PPP6R2: variants seen among roughly 807,000 people sequenced by gnomAD.
The protein encoded by PPP6R2 is serine/threonine-protein phosphatase 6 regulatory subunit 2.
Under a neutral mutation model 100.2 loss-of-function variants are expected in PPP6R2, and 62 were observed. That is an observed-to-expected ratio of 0.62 (90% CI 0.50 to 0.76). PPP6R2 has a LOEUF of 0.76. PPP6R2 is among the 30% of genes least tolerant of loss of function. PPP6R2 has a pLI of 0.00. For missense variants in PPP6R2, 1,142 were observed against 1,276.3 expected (o/e 0.89, Z 1.60); for synonymous variants, 525 against 514.7 (o/e 1.02, Z -0.27).
intron 1 of PPP6R2, among the ~76,000 whole-genome samples, chr22:50,349,195 CAAAAAA>C (rs892504600): frequency 4.9e-5 from 3 of 61,678 alleles, no homozygotes; most frequent in Admixed American, 1.9e-4. Context: ...GACTTCCTCT[CAAAAAA>C]AAAAAAAAAA....
intron 1 of PPP6R2, among the ~76,000 whole-genome samples, chr22:50,349,021 A>G (rs1326941345): frequency 1.3e-5 from 2 of 151,070 alleles, no homozygotes; most frequent in African/African-American, 4.9e-5. Context: ...GTGAAACTCC[A>G]TCTCTACTGA....
At chr22:50,426,149 C>T (rs764349190) in intron 10 of PPP6R2, among the ~76,000 whole-genome samples, 16 of 152,018 alleles carry the variant, frequency 1.1e-4, no homozygotes, top group Non-Finnish European at 1.8e-4. Context: ...GATGGGGTCT[C>T]GCTATGTTGA....
chr22:50,390,261 A>G (rs1209529080), intron 2 of PPP6R2, among the ~76,000 whole-genome samples: 4 of 151,804 alleles, frequency 2.6e-5, no homozygotes, highest in African/African-American at 9.7e-5. Flanking sequence ...CAAAGTGCTG[A>G]GATTACAGGC....
At chr22:50,437,092 A>G in intron 15 of PPP6R2, 24 bp downstream of exon 15, 1 of 1,545,700 alleles carries the variant, frequency 6.5e-7, no homozygotes, top group Non-Finnish European at 8.7e-7. Flanking sequence ...CGGCACCTGC[A>G]CCCTGCCGGG....
chr22:50,438,073 T>G (rs1415725322), intron 17 of PPP6R2, 101 bp from the exon 18 acceptor site: 5 of 1,520,814 alleles, frequency 3.3e-6, no homozygotes, highest in Non-Finnish European at 4.4e-6. Flanking sequence ...AGCCCGGGGC[T>G]CCCACATCCC....
chr22:50,364,788 A>G (rs941174828), intron 1 of PPP6R2, among the ~76,000 whole-genome samples: 3 of 152,146 alleles, frequency 2.0e-5, no homozygotes, highest in African/African-American at 4.8e-5. Context: ...TGGTACGGTT[A>G]TGGAATCAGG....
intron 1 of PPP6R2, among the ~76,000 whole-genome samples, chr22:50,365,959 A>G (rs1337981805): frequency 6.6e-6 from 1 of 151,924 alleles, no homozygotes; most frequent in Non-Finnish European, 1.5e-5. Context: ...ATTATGGTTT[A>G]TGATTTTTCT....
chr22:50,411,527 C>T (rs547240073), intron 4 of PPP6R2, among the ~76,000 whole-genome samples: 21 of 151,822 alleles, frequency 1.4e-4, no homozygotes, highest in East Asian at 3.9e-4. Context: ...CCAAGGCAAG[C>T]GGATTATCTG....
At chr22:50,421,585 G>A (rs967725996) in intron 8 of PPP6R2, among the ~76,000 whole-genome samples, 2 of 151,984 alleles carry the variant, frequency 1.3e-5, no homozygotes, top group African/African-American at 2.4e-5. Flanking sequence ...TGGAAAGAGT[G>A]TTTAAATAAA....
chr22:50,437,128 C>A, intron 15 of PPP6R2, 60 bp downstream of exon 15: 2 of 1,449,272 alleles, frequency 1.4e-6, no homozygotes. Flanking sequence ...GTGTGCGCTG[C>A]GCTTGGTCCT....
At chr22:50,370,155 A>G (rs895053278) in intron 1 of PPP6R2, among the ~76,000 whole-genome samples, 3 of 149,894 alleles carry the variant, frequency 2.0e-5, no homozygotes, top group African/African-American at 5.0e-5. Flanking sequence ...CTTTTTTTTT[A>G]TTTTGAAAGA....
intron 2 of PPP6R2, among the ~76,000 whole-genome samples, chr22:50,389,421 G>T (rs1233683905): frequency 6.6e-6 from 1 of 152,210 alleles, no homozygotes; most frequent in Non-Finnish European, 1.5e-5. Flanking sequence ...TTGGAAAAAA[G>T]AAGTATGTAA....
At chr22:50,370,920 C>A (rs547844926) in intron 1 of PPP6R2, among the ~76,000 whole-genome samples, 1 of 150,390 alleles carries the variant, frequency 6.6e-6, no homozygotes, top group African/African-American at 2.5e-5. Context: ...GCGTGAGCCA[C>A]TGCCCCCAGC....
chr22:50,381,114 CAAAAA>C (rs768271991), intron 2 of PPP6R2, among the ~76,000 whole-genome samples: 10 of 112,962 alleles, frequency 8.9e-5, no homozygotes, highest in African/African-American at 1.9e-4. Flanking sequence ...AACTTTGTCT[CAAAAA>C]AAAAAAAAAA....
chr22:50,356,296 C>T (rs1240043006), intron 1 of PPP6R2, among the ~76,000 whole-genome samples: 4 of 147,846 alleles, frequency 2.7e-5, no homozygotes, highest in African/African-American at 1.0e-4. Context: ...AATGTACAGT[C>T]TATTTTTCCT....
chr22:50,436,476 C>G (rs1405973351), intron 14 of PPP6R2, 24 bp downstream of exon 14: 2 of 1,564,376 alleles, frequency 1.3e-6, no homozygotes, highest in Non-Finnish European at 1.7e-6. Context: ...GGGCTGCCCC[C>G]TCGGTGCACG....
At chr22:50,403,168 C>G (rs1436249476) in intron 3 of PPP6R2, among the ~76,000 whole-genome samples, 1 of 152,104 alleles carries the variant, frequency 6.6e-6, no homozygotes, top group Non-Finnish European at 1.5e-5. Flanking sequence ...GATAGCACCA[C>G]TGCACTCCAG....
intron 10 of PPP6R2, among the ~76,000 whole-genome samples, chr22:50,426,278 GAC>G (rs2062117417): frequency 6.6e-6 from 1 of 152,112 alleles, no homozygotes; most frequent in Non-Finnish European, 1.5e-5. Context: ...AATGACCTTT[GAC>G]ACACAAGTTT....
intron 21 of PPP6R2, 124 bp downstream of exon 21, chr22:50,440,173 G>A (rs1361422709): frequency 1.1e-5 from 10 of 874,256 alleles, no homozygotes; most frequent in South Asian, 6.9e-5. Context: ...TACGTCTCTG[G>A]TGACATTGGG....
Sources: allele counts gnomAD v4.1 joint callset (sites outside exome capture counted in the v4.1 genomes callset), GRCh38; gene constraint gnomAD v4.1.1; transcripts MANE v1.5; gene names NCBI Gene and HGNC (gene_info 2026-07-23, HGNC 2026-07-21).